Variants in WDPCP observed in about 807,000 individuals in gnomAD.
WDPCP encodes WD repeat containing planar cell polarity effector.
WDPCP carries 71 observed loss-of-function variants against 93.1 expected under a neutral mutation model. That is an observed-to-expected ratio of 0.76 (90% CI 0.63 to 0.93). The LOEUF (loss-of-function observed/expected upper bound fraction) is 0.93. Ranked by LOEUF, WDPCP falls within the 40% of genes least tolerant of loss-of-function variation. The pLI is 0.00. For synonymous variants in WDPCP, 315 were observed against 315.0 expected (o/e 1.00, Z 0.00); for missense variants, 844 against 887.4 (o/e 0.95, Z 0.62).
chr2:63,319,218 G>T (rs1220671702), intron 12 of WDPCP, among the ~76,000 whole-genome samples: 1 of 152,018 alleles, frequency 6.6e-6, no homozygotes, highest in African/African-American at 2.4e-5. Context: ...ATATTTCCTA[G>T]GTTTTCTTCT....
chr2:63,244,138 C>A (rs1680084123), intron 14 of WDPCP, among the ~76,000 whole-genome samples: 2 of 152,132 alleles, frequency 1.3e-5, no homozygotes, highest in Admixed American at 1.3e-4. Context: ...TTATTTTGGG[C>A]ATTAAGGCAG....
At chr2:63,195,717 CA>C (rs1020377451) in intron 14 of WDPCP, among the ~76,000 whole-genome samples, 1 of 151,512 alleles carries the variant, frequency 6.6e-6, no homozygotes, top group African/African-American at 2.4e-5. Context: ...TAAAAATATC[CA>C]AAAAAATTAA....
rs184446475 is a variant in WDPCP, at chr2:63,281,408, G to A, written c.1813-21999C>T. ...AATGTAAACTAGTACAACCACTGTG[G>A]AAAACAGTGTGGAGATTCTGTGAAG... On this transcript the variant is annotated intron_variant, in intron 13 of 17. Transcript: ENST00000272321. 1.9e-3 allele frequency among the ~76,000 whole-genome samples: 287 copies of A among 152,280 alleles called. 2 individuals carry two copies. Among genetic ancestry groups the A allele is most frequent in the African/African-American group, 6.1e-3 (253 of 41,552 alleles).
intron 1 of WDPCP, among the ~76,000 whole-genome samples, chr2:63,823,072 T>G (rs974651190): frequency 6.6e-6 from 1 of 151,410 alleles, no homozygotes. Context: ...AAATCCCAAA[T>G]CTCACTTAAA....
Position 63,121,652 on chromosome 2 carries a change from G to A in WDPCP, c.*354C>T, listed in dbSNP as rs149097365. 144 of 251,932 alleles carry A rather than the reference G, an allele frequency of 5.7e-4. No homozygotes were observed. Among genetic ancestry groups the A allele is most frequent in the African/African-American group, 3.1e-3 (136 of 43,792 alleles). The allele number at this position is 251,932 out of a possible 1,614,324, so 15.6% of individuals were successfully genotyped here. On this transcript the variant is annotated 3_prime_UTR_variant, in exon 18 of 18. Coordinates refer to ENST00000272321, the MANE Select transcript of WDPCP (RefSeq NM_015910.7). ...CCTAAAGCACTGGGACTACAGGCAT[G>A]AGCACTATGCCTGCCCCCTACTGCC...
chr2:63,126,666 G>GTGT (rs1553536654), intron 17 of WDPCP, among the ~76,000 whole-genome samples: 24 of 98,120 alleles, frequency 2.4e-4, no homozygotes, highest in African/African-American at 8.5e-4. Context: ...CTTGTTTTGT[G>GTGT]TTTTTTTTTT....
Position 63,636,474 on chromosome 2 carries a change from G to A in WDPCP, n.488+14185C>T, listed in dbSNP as rs145825088. Reference sequence around the variant, plus strand: ...ACACAGATTCTCACTCTGTCGCCCAGACTGGAGGGCAATGTGAAATGGTGC... The same window carrying A: ...ACACAGATTCTCACTCTGTCGCCCAAACTGGAGGGCAATGTGAAATGGTGC... On this transcript the variant is annotated intron_variant and non_coding_transcript_variant, in intron 3 of 4. Coordinates refer to the WDPCP transcript ENST00000467687. 8.5e-5 allele frequency among the ~76,000 whole-genome samples: 13 copies of A among 152,204 alleles called. No homozygotes were observed. In the South Asian group the frequency reaches 1.2e-3, roughly 15 times the overall value.
intron 2 of WDPCP, among the ~76,000 whole-genome samples, chr2:63,655,751 A>G (rs1381447581): frequency 6.6e-6 from 1 of 152,232 alleles, no homozygotes; most frequent in Non-Finnish European, 1.5e-5. Flanking sequence ...AATACTATAT[A>G]TGCTGTTCTA....
chr2:63,258,071 C>CT (rs1681287731), intron 14 of WDPCP, among the ~76,000 whole-genome samples: 1 of 152,108 alleles, frequency 6.6e-6, no homozygotes. Context: ...ATAAATTGTA[C>CT]TTACTTCACA....
intron 11 of WDPCP, 23 bp from the exon 12 acceptor site, chr2:63,378,532 C>A: frequency 1.2e-6 from 2 of 1,612,726 alleles, no homozygotes; most frequent in Non-Finnish European, 8.5e-7. Flanking sequence ...AACATAGCAG[C>A]ACTAAAACAA....
At chr2:63,213,873 A>C (rs1282747292) in intron 14 of WDPCP, among the ~76,000 whole-genome samples, 4 of 152,228 alleles carry the variant, frequency 2.6e-5, no homozygotes, top group African/African-American at 4.8e-5. Context: ...AAAATCTAGA[A>C]GAAATGGATA....
chr2:63,736,107 G>A (rs975953121), intron 2 of WDPCP, among the ~76,000 whole-genome samples: 1 of 152,182 alleles, frequency 6.6e-6, no homozygotes, highest in South Asian at 2.1e-4. Flanking sequence ...GAACACCATA[G>A]AGGAAATGAC....
intron 1 of WDPCP, among the ~76,000 whole-genome samples, chr2:63,578,860 C>G (rs1402251941): frequency 1.3e-5 from 2 of 152,138 alleles, no homozygotes; most frequent in Non-Finnish European, 2.9e-5. Flanking sequence ...ATGAGATTCA[C>G]TTATTCTTAA....
At chr2:63,330,823 G>T (rs1386273073) in intron 12 of WDPCP, among the ~76,000 whole-genome samples, 2 of 143,924 alleles carry the variant, frequency 1.4e-5, no homozygotes, top group Admixed American at 1.4e-4. Context: ...TTGGTATATT[G>T]TGTGTTTCAT....
intron 13 of WDPCP, among the ~76,000 whole-genome samples, chr2:63,301,765 C>T (rs1471367512): frequency 2.0e-5 from 3 of 151,722 alleles, no homozygotes; most frequent in African/African-American, 7.3e-5. Context: ...CTGAGTCACA[C>T]CAAAAGGAAG....
chr2:63,413,353 C>T (rs1410415072), intron 9 of WDPCP, among the ~76,000 whole-genome samples: 1 of 152,178 alleles, frequency 6.6e-6, no homozygotes, highest in Non-Finnish European at 1.5e-5. Context: ...TCATCTCTCA[C>T]CTTGTACAAA....
chr2:63,250,579 A>G (rs78617520), intron 14 of WDPCP, among the ~76,000 whole-genome samples: 1,914 of 152,298 alleles, frequency 0.013, 43 homozygotes, highest in African/African-American at 0.044. Flanking sequence ...CAGCTGTGCA[A>G]TTAAGCTATA....
At chr2:63,475,104 C>T (rs1699901060) in intron 6 of WDPCP, among the ~76,000 whole-genome samples, 1 of 151,966 alleles carries the variant, frequency 6.6e-6, no homozygotes, top group African/African-American at 2.4e-5. Context: ...TTCAGTAGCC[C>T]CTACACAGTA....
At chr2:63,767,783 G>A (rs1670165787) in intron 2 of WDPCP, among the ~76,000 whole-genome samples, 1 of 152,000 alleles carries the variant, frequency 6.6e-6, no homozygotes, top group Non-Finnish European at 1.5e-5. Flanking sequence ...TGTCCTGTCT[G>A]TGTGGCTTTT....
Sources: allele counts gnomAD v4.1 joint callset (sites outside exome capture counted in the v4.1 genomes callset), GRCh38; gene constraint gnomAD v4.1.1; transcripts MANE v1.5; gene names NCBI Gene and HGNC (gene_info 2026-07-23, HGNC 2026-07-21).